Variants in TRAK2 observed in about 807,000 individuals in gnomAD.
TRAK2 encodes trafficking kinesin protein 2, also known as trafficking kinesin-binding protein 2.
TRAK2 carries 81 observed loss-of-function variants against 104.6 expected under a neutral mutation model. The observed-to-expected ratio is 0.77, with a 90% CI of 0.65 to 0.93. TRAK2 has a LOEUF of 0.93. Ranked by LOEUF, TRAK2 falls within the 40% of genes least tolerant of loss-of-function variation. The pLI is 0.00. For missense variants in TRAK2, 1,002 were observed against 1,089.0 expected (o/e 0.92, Z 1.12); for synonymous variants, 406 against 394.4 (o/e 1.03, Z -0.35).
In TRAK2 at chr2:201,380,492, A is replaced by T; in HGVS notation, c.*51T>A. 2 of 1,554,180 alleles carry T rather than the reference A, an allele frequency of 1.3e-6. No individual in the cohort carries two copies. The highest frequency in any genetic ancestry group is 4.5e-5 in the East Asian group (2 of 44,340). Reference sequence around the variant, plus strand: ...GACCAGACCACATGTTTCAGTGCATATCTATCCTTCATGTGCTAACTTGTA... The same window carrying T: ...GACCAGACCACATGTTTCAGTGCATTTCTATCCTTCATGTGCTAACTTGTA... On this transcript the variant is annotated 3_prime_UTR_variant, in exon 16 of 16. Transcript: ENST00000332624.
intron 1 of TRAK2, among the ~76,000 whole-genome samples, chr2:201,430,456 T>C (rs1472304655): frequency 3.9e-5 from 6 of 152,264 alleles, no homozygotes; most frequent in South Asian, 2.1e-4. Context: ...GCAGGCCTGC[T>C]TGAGCTGTGG....
At chr2:201,402,933 C>T (rs986522933) in intron 3 of TRAK2, among the ~76,000 whole-genome samples, 2 of 152,128 alleles carry the variant, frequency 1.3e-5, no homozygotes, top group African/African-American at 4.8e-5. Flanking sequence ...CTGGGGTTAA[C>T]ACCCAAAGCA....
chr2:201,433,199 G>A (rs1951855811), intron 1 of TRAK2, among the ~76,000 whole-genome samples: 1 of 152,114 alleles, frequency 6.6e-6, no homozygotes, highest in African/African-American at 2.4e-5. Context: ...GGCGGGAGGA[G>A]CATCACCAGC....
At chr2:201,430,465 G>A (rs1951832460) in intron 1 of TRAK2, among the ~76,000 whole-genome samples, 1 of 152,222 alleles carries the variant, frequency 6.6e-6, no homozygotes, top group South Asian at 2.1e-4. Context: ...CTTGAGCTGT[G>A]GTGGGCTCCA....
In TRAK2 at chr2:201,378,238, G is replaced by A. The variant is rs10931943; in HGVS notation, c.*2305C>T. On this transcript the variant is annotated 3_prime_UTR_variant, in exon 16 of 16. Transcript: ENST00000332624. ...TAAGCCTGGTTCTTTTTGATCAGAT[G>A]TGCTTATTTGGCTGCTAATACACCC... is the stretch of plus-strand genomic sequence containing the variant. 68,675 of 151,854 alleles carry A rather than the reference G, an allele frequency of 0.45. 15,924 individuals carry two copies. The highest frequency in any genetic ancestry group is 0.54 in the South Asian group (2,579 of 4,794). The allele number at this position is 151,854 out of a possible 1,614,324, so 9.4% of individuals were successfully genotyped here.
Position 201,387,864 on chromosome 2 carries a change from T to C in TRAK2, c.1535A>G (p.Gln512Arg). The change falls in exon 13 of 16, where the codon CAG (glutamine) becomes CGG (arginine). Residue 512 changes from glutamine (Q) to arginine (R), a missense_variant. By Grantham distance (43) the Gln-to-Arg change is conservative. Coordinates refer to ENST00000332624, the MANE Select transcript of TRAK2 (RefSeq NM_015049.3). ...FFAEEWQRKI[Q>R]VLADQKEGVS... ...TCCTTCCTTCTGGTCTGCCAGAACC[T>C]GGATCTTCCGCTGCCATTCTTCAGC... The C allele has an allele frequency of 6.2e-7, 1 of 1,614,250 alleles. No homozygotes were observed. Among genetic ancestry groups the C allele is most frequent in the Non-Finnish European group, 8.5e-7 (1 of 1,180,032 alleles).
intron 1 of TRAK2, among the ~76,000 whole-genome samples, chr2:201,445,534 GT>G (rs1951958130): frequency 6.6e-6 from 1 of 152,224 alleles, no homozygotes; most frequent in African/African-American, 2.4e-5. Context: ...TTTGATGAGT[GT>G]TACAACAGAA....
At chr2:201,442,040 C>T (rs1303661160) in intron 1 of TRAK2, among the ~76,000 whole-genome samples, 1 of 151,582 alleles carries the variant, frequency 6.6e-6, no homozygotes, top group Non-Finnish European at 1.5e-5. Flanking sequence ...TTTCAACTTA[C>T]ACCACTGGCC....
chr2:201,412,131 C>T (rs930188891), intron 2 of TRAK2: 10 of 1,045,520 alleles, frequency 9.6e-6, no homozygotes, highest in African/African-American at 1.6e-5. Flanking sequence ...GTGCATTCCT[C>T]AACGATCAGT....
At chr2:201,399,793 C>A (rs571603511) in intron 4 of TRAK2, among the ~76,000 whole-genome samples, 1 of 151,962 alleles carries the variant, frequency 6.6e-6, no homozygotes, top group Admixed American at 6.6e-5. Flanking sequence ...TTTAAACTTA[C>A]AATTTTGGGG....
intron 1 of TRAK2, among the ~76,000 whole-genome samples, chr2:201,450,428 AAAG>A (rs1952019440): frequency 6.6e-6 from 1 of 152,020 alleles, no homozygotes; most frequent in Non-Finnish European, 1.5e-5. Flanking sequence ...AAAAAAAAGA[AAAG>A]AAAGTTGGAA....
chr2:201,412,661 A>G lies in TRAK2; in HGVS notation c.92-5064T>C, dbSNP rs13403035. On this transcript the variant is annotated intron_variant, in intron 2 of 15. Coordinates refer to ENST00000332624, the MANE Select transcript of TRAK2 (RefSeq NM_015049.3). ...CACAATGAAGGTAAATTTGGGTCCC[A>G]TTCTTTACAAGGAAATTTAGGCTCT... The G allele has an allele frequency of 2.5e-3, 3,890 of 1,559,692 alleles. 81 individuals carry two copies. The African/African-American group carries it at 0.045, about 18-fold the overall frequency.
intron 7 of TRAK2, among the ~76,000 whole-genome samples, chr2:201,395,907 A>C (rs572461063): frequency 6.6e-6 from 1 of 152,238 alleles, no homozygotes. Context: ...GAACAGTCAC[A>C]ATCTATAACA....
At chr2:201,438,300 T>C (rs1346051184) in intron 1 of TRAK2, among the ~76,000 whole-genome samples, 6 of 152,236 alleles carry the variant, frequency 3.9e-5, no homozygotes, top group South Asian at 4.1e-4. Context: ...GTGTTTCAAA[T>C]GAAATGCATA....
intron 11 of TRAK2, 50 bp from the exon 12 acceptor site, chr2:201,389,553 T>A: frequency 6.6e-7 from 1 of 1,518,894 alleles, no homozygotes; most frequent in Non-Finnish European, 9.0e-7. Flanking sequence ...CACTAAAGCA[T>A]CTAGAGAAGA....
intron 2 of TRAK2, among the ~76,000 whole-genome samples, chr2:201,417,895 A>C (rs911811068): frequency 3.3e-5 from 5 of 152,352 alleles, no homozygotes; most frequent in Admixed American, 3.3e-4. Flanking sequence ...TAAAAAAATC[A>C]ATTTCATTTA....
intron 1 of TRAK2, among the ~76,000 whole-genome samples, chr2:201,424,384 C>T (rs1383843847): frequency 6.6e-6 from 1 of 152,012 alleles, no homozygotes; most frequent in African/African-American, 2.4e-5. Context: ...TCAAGTGATA[C>T]ATTTTAAAAA....
rs768215729 is a variant in TRAK2, at chr2:201,397,552, G to T, written c.719C>A (p.Thr240Asn). 12 of 1,612,356 alleles carry T rather than the reference G, an allele frequency of 7.4e-6. No homozygotes were observed. Among genetic ancestry groups the T allele is most frequent in the Non-Finnish European group, 1.0e-5 (12 of 1,179,004 alleles). ...KACHIKTETV[T>N]YEEKEQQLVS... ...AAGCTGTTGTTCCTTTTCTTCATAG[G>T]TAACAGTTTCTGTCTTTATGTGACA... The change falls in exon 7 of 16, where the codon ACC becomes AAC. Residue 240 changes from threonine to asparagine, a missense_variant. Transcript: ENST00000332624.
At chr2:201,420,321 TG>T (rs1203868517) in intron 2 of TRAK2, 95 bp downstream of exon 2, 1 of 995,764 alleles carries the variant, frequency 1.0e-6, no homozygotes, top group East Asian at 2.4e-5. Flanking sequence ...AAGGGAGGCT[TG>T]GGTTTCATCA....
Sources: allele counts gnomAD v4.1 joint callset (sites outside exome capture counted in the v4.1 genomes callset), GRCh38; gene constraint gnomAD v4.1.1; transcripts MANE v1.5; gene names NCBI Gene and HGNC (gene_info 2026-07-23, HGNC 2026-07-21).